The following CFTR variants were observed in gnomAD, a reference collection of about 807,000 sequenced individuals.
The protein encoded by CFTR is CF transmembrane conductance regulator.
In CFTR, 181 loss-of-function variants were observed where a neutral mutation model predicts 171.6. The ratio of observed to expected loss-of-function variants is 1.05; its 90% confidence interval spans 0.93 to 1.19. The LOEUF is 1.19. Among genes scored for constraint, CFTR ranks in the 50% most tolerant of loss-of-function variants. The probability of loss-of-function intolerance (pLI) is 0.00; values close to 1 mark genes in which losing one functional copy is unlikely to be tolerated. For synonymous variants in CFTR, 583 were observed against 608.0 expected (o/e 0.96, Z 0.60); for missense variants, 1,968 against 1,734.7 (o/e 1.13, Z -2.39).
chr7:117,547,128 A>G (rs1333335660), intron 9 of CFTR, among the ~76,000 whole-genome samples: 1 of 152,232 alleles, frequency 6.6e-6, no homozygotes, highest in Non-Finnish European at 1.5e-5. Context: ...ATTTTAAAAT[A>G]CTTTCATTGT....
chr7:117,552,067 T>C (rs1266023035), intron 10 of CFTR, among the ~76,000 whole-genome samples: 1 of 152,124 alleles, frequency 6.6e-6, no homozygotes, highest in African/African-American at 2.4e-5. Context: ...TCATTGAATA[T>C]ATATATATAC....
chr7:117,619,172 A>T (rs1227202174), intron 21 of CFTR, among the ~76,000 whole-genome samples: 1 of 152,234 alleles, frequency 6.6e-6, no homozygotes, highest in Non-Finnish European at 1.5e-5. Context: ...AAACAAAGTT[A>T]TGTGCTGGTT....
chr7:117,619,304 G>GA (rs1467961173), intron 21 of CFTR, among the ~76,000 whole-genome samples: 1 of 152,090 alleles, frequency 6.6e-6, no homozygotes, highest in Non-Finnish European at 1.5e-5. Context: ...CTATCTGTAT[G>GA]AAAAAATAAA....
intron 2 of CFTR, among the ~76,000 whole-genome samples, chr7:117,508,823 C>A (rs1010075681): frequency 3.3e-5 from 5 of 152,180 alleles, no homozygotes; most frequent in African/African-American, 1.2e-4. Flanking sequence ...AAATCAATTC[C>A]CTGCACAGTG....
chr7:117,549,336 T>C (rs1799229241), intron 10 of CFTR, among the ~76,000 whole-genome samples: 1 of 152,192 alleles, frequency 6.6e-6, no homozygotes, highest in South Asian at 2.1e-4. Flanking sequence ...GGAATGTTAA[T>C]TTATTCAGTG....
chr7:117,620,797 A>G (rs567049189), intron 21 of CFTR, among the ~76,000 whole-genome samples: 22 of 152,304 alleles, frequency 1.4e-4, no homozygotes, highest in African/African-American at 5.3e-4. Flanking sequence ...CTAGTAGCAC[A>G]TGCAGAATCT....
chr7:117,592,521 G>C lies in CFTR; in HGVS notation c.2354G>C (p.Arg785Pro), dbSNP rs141880790. Residue 785 changes from arginine (R) to proline (P), a missense_variant, in exon 14 of 27, where the codon CGA becomes CCA. Transcript: ENST00000003084. Reference protein sequence around the residue: ...HSVNQGQNIHRKTTASTRKVS... With the variant: ...HSVNQGQNIHPKTTASTRKVS... The stretch of plus-strand genomic sequence containing the variant: ...GTTAACCAAGGTCAGAACATTCACC[G>C]AAAGACAACAGCATCCACACGAAAA... 3.9e-6 allele frequency: 6 copies of C among 1,527,968 alleles called. No individual in the cohort carries two copies. The South Asian group carries it at 8.0e-5, about 20-fold the overall frequency. The allele number at this position is 1,527,968 out of a possible 1,614,324, so 94.7% of individuals were successfully genotyped here.
intron 23 of CFTR, among the ~76,000 whole-genome samples, chr7:117,651,320 G>GA (rs891379018): frequency 6.6e-6 from 1 of 152,022 alleles, no homozygotes; most frequent in Non-Finnish European, 1.5e-5. Context: ...AAAGCAAATG[G>GA]AAAAATTCTA....
At position 117,480,106 on chromosome 7, in the gene CFTR, G is replaced by T. The variant is rs1158877973; in HGVS notation, c.12G>T (p.Ser4=). The T allele has an allele frequency of 6.2e-7, 1 of 1,613,904 alleles. No homozygotes were observed. The highest frequency in any genetic ancestry group is 1.1e-5 in the South Asian group (1 of 91,058). Residue 4 remains serine, a synonymous_variant, in exon 1 of 27, where the codon TCG becomes TCT. Transcript: ENST00000003084. ...GCGCCCGAGAGACCATGCAGAGGTC[G>T]CCTCTGGAAAAGGCCAGCGTTGTCT... MQR[S]PLEKASVVSK... is the part of the protein sequence containing the mutation.
chr7:117,642,358 A>G, intron 22 of CFTR, 80 bp from the exon 23 acceptor site: 1 of 1,320,428 alleles, frequency 7.6e-7, no homozygotes, highest in South Asian at 1.2e-5. Flanking sequence ...AATGGTTTTT[A>G]TTGAAGTACA....
chr7:117,615,411 C>A (rs1792470457), intron 21 of CFTR, among the ~76,000 whole-genome samples: 1 of 151,756 alleles, frequency 6.6e-6, no homozygotes, highest in Non-Finnish European at 1.5e-5. Flanking sequence ...ATGTTTTGTG[C>A]TTTTGGTATC....
chr7:117,628,379 A>G (rs1401194903), intron 22 of CFTR, among the ~76,000 whole-genome samples: 2 of 152,188 alleles, frequency 1.3e-5, no homozygotes, highest in Non-Finnish European at 2.9e-5. Flanking sequence ...TCTTGGAGAC[A>G]GGGATGGTCA....
chr7:117,495,946 G>A (rs1798228960), intron 1 of CFTR, among the ~76,000 whole-genome samples: 1 of 152,118 alleles, frequency 6.6e-6, no homozygotes, highest in African/African-American at 2.4e-5. Context: ...TATCTTCAAA[G>A]AGTTGCCTAT....
At chr7:117,625,553 A>C (rs1285070279) in intron 21 of CFTR, among the ~76,000 whole-genome samples, 1 of 152,186 alleles carries the variant, frequency 6.6e-6, no homozygotes, top group Non-Finnish European at 1.5e-5. Flanking sequence ...GGAAGTATTA[A>C]AATGTGAAGG....
At chr7:117,566,996 A>G (rs1269495249) in intron 11 of CFTR, among the ~76,000 whole-genome samples, 1 of 152,232 alleles carries the variant, frequency 6.6e-6, no homozygotes, top group Non-Finnish European at 1.5e-5. Flanking sequence ...ATGGAACAGT[A>G]ATATACAAAT....
At chr7:117,640,022 C>A (rs1441406811) in intron 22 of CFTR, among the ~76,000 whole-genome samples, 4 of 152,108 alleles carry the variant, frequency 2.6e-5, no homozygotes, top group Non-Finnish European at 5.9e-5. Flanking sequence ...CAGCTAGCAC[C>A]AAATTCAACA....
At position 117,540,123 on chromosome 7, in the gene CFTR, A is replaced by C. The variant is rs1473220813; in HGVS notation, c.893A>C (p.Lys298Thr). The C allele has an allele frequency of 6.2e-7, 1 of 1,613,668 alleles. No homozygotes were observed. The highest frequency in any genetic ancestry group is 1.1e-5 in the South Asian group (1 of 91,074). Reference sequence around the variant, plus strand: ...AGAACAGAACTGAAACTGACTCGGAAGGCAGCCTATGTGAGATACTTCAAT... The same window carrying C: ...AGAACAGAACTGAAACTGACTCGGACGGCAGCCTATGTGAGATACTTCAAT... ...LRQTELKLTRKAAYVRYFNSS... is the reference protein window; with the variant it reads ...LRQTELKLTRTAAYVRYFNSS... Residue 298 changes from lysine (K) to threonine (T), a missense_variant, in exon 8 of 27, where the codon AAG becomes ACG. Coordinates refer to ENST00000003084, the MANE Select transcript of CFTR (RefSeq NM_000492.4).
intron 2 of CFTR, among the ~76,000 whole-genome samples, chr7:117,506,804 GT>G (rs1562883387): frequency 6.6e-6 from 1 of 151,940 alleles, no homozygotes; most frequent in Non-Finnish European, 1.5e-5. Context: ...TATTATTTTT[GT>G]TTTGTTTTGT....
chr7:117,656,364 G>A (rs781075825), intron 24 of CFTR, among the ~76,000 whole-genome samples: 5 of 152,176 alleles, frequency 3.3e-5, no homozygotes, highest in African/African-American at 9.7e-5. Context: ...GCCAGGAATC[G>A]TCTGCCTTTG....
Sources: allele counts gnomAD v4.1 joint callset (sites outside exome capture counted in the v4.1 genomes callset), GRCh38; gene constraint gnomAD v4.1.1; transcripts MANE v1.5; gene names NCBI Gene and HGNC (gene_info 2026-07-23, HGNC 2026-07-21).